Variants in GCN1 observed in about 807,000 individuals in gnomAD.
GCN1 encodes the protein GCN1 activator of EIF2AK4, also known as stalled ribosome sensor GCN1.
In GCN1, 90 loss-of-function variants were observed where a neutral mutation model predicts 288.4. The observed-to-expected ratio is 0.31, with a 90% CI of 0.26 to 0.37. GCN1 has a LOEUF of 0.37. Ranked by LOEUF, GCN1 falls within the 10% of genes least tolerant of loss-of-function variation. The pLI is 1.00. For synonymous variants in GCN1, 1,386 were observed against 1,420.2 expected (o/e 0.98, Z 0.54); for missense variants, 2,586 against 3,419.9 (o/e 0.76, Z 6.08).
chr12:120,191,871 G>T (rs1479527360), intron 1 of GCN1, among the ~76,000 whole-genome samples: 2 of 152,118 alleles, frequency 1.3e-5, no homozygotes, highest in Non-Finnish European at 2.9e-5. Context: ...AAATATGGAG[G>T]TAACTTGCAT....
chr12:120,157,833 G>A lies in GCN1; in HGVS notation c.3087+16C>T. ...TCCCCTTTAAACCAAGAGGAGAGCA[G>A]AGCTTCCCTGCCAACCTCGTCCACC... On this transcript the variant is annotated intron_variant, in intron 26 of 57. Coordinates refer to ENST00000300648, the MANE Select transcript of GCN1 (RefSeq NM_006836.2). 1.2e-6 allele frequency: 2 copies of A among 1,609,828 alleles called. No individual in the cohort carries two copies. Among genetic ancestry groups the A allele is most frequent in the Middle Eastern group, 1.7e-4 (1 of 6,000 alleles).
In GCN1 at chr12:120,194,714, C is replaced by A; in HGVS notation, c.-17G>T. ...CGCCGCCATCCTGCCGGGGCTGACTCCGGAACCGCTTCCGGAACGCTTCCG... is the reference window on the plus strand; with the variant it reads ...CGCCGCCATCCTGCCGGGGCTGACTACGGAACCGCTTCCGGAACGCTTCCG... On this transcript the variant is annotated 5_prime_UTR_variant, in exon 1 of 58. Coordinates refer to ENST00000300648, the MANE Select transcript of GCN1 (RefSeq NM_006836.2). 1 of 1,499,470 alleles carries A rather than the reference C, an allele frequency of 6.7e-7. No individual in the cohort carries two copies. Among genetic ancestry groups the A allele is most frequent in the Non-Finnish European group, 8.8e-7 (1 of 1,131,540 alleles). 92.9% of individuals were successfully genotyped at this position (1,499,470 alleles called of 1,614,324 possible).
chr12:120,166,083 C>T (rs1023870257), intron 16 of GCN1, among the ~76,000 whole-genome samples: 5 of 151,564 alleles, frequency 3.3e-5, no homozygotes, highest in African/African-American at 7.3e-5. Context: ...CCACCGTGTC[C>T]GGCCCCAGCC....
At chr12:120,161,804 C>T (rs139174492) in intron 21 of GCN1, 76 bp downstream of exon 21, 51 of 1,385,986 alleles carry the variant, frequency 3.7e-5, no homozygotes, top group Non-Finnish European at 4.7e-5. Context: ...TCACAGGAGG[C>T]ACTGGCTCCA....
rs779055882 is a variant in GCN1 at position 120,168,196 on chromosome 12, G to T, written c.1612+12C>A. 3 of 1,429,524 alleles carry T rather than the reference G, an allele frequency of 2.1e-6. No homozygotes were observed. Among genetic ancestry groups the T allele is most frequent in the African/African-American group, 2.8e-5 (2 of 71,398 alleles). 88.6% of individuals were successfully genotyped at this position (1,429,524 alleles called of 1,614,324 possible). Reference sequence around the variant, plus strand: ...CTCAATCCCGAGTTCAACTAAGCATGGAGTAACTTACCATCCTCTGAAGCC... The same window carrying T: ...CTCAATCCCGAGTTCAACTAAGCATTGAGTAACTTACCATCCTCTGAAGCC... On this transcript the variant is annotated intron_variant, in intron 16 of 57. Transcript: ENST00000300648.
rs750457111 is a variant in GCN1, at chr12:120,145,306, C to T, written c.4972G>A (p.Val1658Met). The T allele has an allele frequency of 8.1e-6, 13 of 1,599,258 alleles. No individual in the cohort carries two copies. The highest frequency in any genetic ancestry group is 2.7e-5 in the African/African-American group (2 of 74,254). ...QKDLAPYLPS[V>M]TPGLKASLLD... is the part of the protein sequence containing the mutation. The stretch of plus-strand genomic sequence containing the variant: ...AGCGATGCTTTCAGGCCAGGCGTCA[C>T]GCTGGGCAGGTACGGAGCCAAGTCC... The change falls in exon 39 of 58, where the codon GTG (valine) becomes ATG (methionine). Residue 1658 changes from valine to methionine, a missense_variant. Physicochemically the swap from Val to Met is conservative, Grantham distance 21 (BLOSUM62 1). Transcript: ENST00000300648.
chr12:120,130,673 C>G lies in GCN1; in HGVS notation c.7644G>C (p.Pro2548=). ...TAACGAACAGGCTGGAAAGTTTGGC[C>G]GGCAACTGCCCTCCGCCTGTCTCGA... The part of the protein sequence containing the change: ...HHIETGGGQL[P]AKLSSLFVKC... Residue 2548 remains proline (P), a synonymous_variant, in exon 56 of 58, where the codon CCG becomes CCC. Transcript: ENST00000300648. 1 of 1,613,726 alleles carries G rather than the reference C, an allele frequency of 6.2e-7. No individual in the cohort carries two copies. Among genetic ancestry groups the G allele is most frequent in the Non-Finnish European group, 8.5e-7 (1 of 1,179,734 alleles).
chr12:120,143,005 C>T (rs1877248004), intron 42 of GCN1, 64 bp from the exon 43 acceptor site: 3 of 943,464 alleles, frequency 3.2e-6, no homozygotes, highest in Non-Finnish European at 5.2e-6. Context: ...CAACTGAGCA[C>T]TGCACAGAAG....
At chr12:120,187,358 T>C (rs941887717) in intron 2 of GCN1, among the ~76,000 whole-genome samples, 2 of 151,790 alleles carry the variant, frequency 1.3e-5, no homozygotes, top group African/African-American at 4.8e-5. Context: ...GGATTACAGG[T>C]GCCCACCACC....
At chr12:120,175,604 TCACATTC>T (rs1245733063) in intron 11 of GCN1, 135 bp downstream of exon 11, 4 of 849,554 alleles carry the variant, frequency 4.7e-6, no homozygotes, top group Non-Finnish European at 7.4e-6. Flanking sequence ...TCACACACAT[TCACATTC>T]CAGTGTGACG....
At position 120,137,621 on chromosome 12, in the gene GCN1, C is replaced by T; in HGVS notation, c.6587G>A (p.Gly2196Asp). The T allele has an allele frequency of 1.2e-6, 2 of 1,614,124 alleles. No individual in the cohort carries two copies. The highest frequency in any genetic ancestry group is 1.7e-6 in the Non-Finnish European group (2 of 1,179,970). ...GGAGTCATTGAAGAGGCGGATCAGG[C>T]CCGAGACCAGGCTCCGCAGGTGGCT... ...YTSHLRSLVS[G>D]LIRLFNDSSP... Residue 2196 changes from glycine (G) to aspartate (D), a missense_variant, in exon 49 of 58, where the codon GGC becomes GAC. By Grantham distance (94) the Gly-to-Asp change is moderately conservative (BLOSUM62 -1). Transcript: ENST00000300648. This position sits in a 1 kb window ranked among gnomAD's most constrained non-coding sequence, Gnocchi z 5.2.
At chr12:120,173,892 G>C in intron 13 of GCN1, 66 bp from the exon 14 acceptor site, 4 of 1,419,940 alleles carry the variant, frequency 2.8e-6, no homozygotes, top group Non-Finnish European at 3.9e-6. Flanking sequence ...ATTGCAAGCA[G>C]TGCAAAAAAC....
At chr12:120,164,312 G>A (rs754536734) in intron 18 of GCN1, 24 bp downstream of exon 18, 1 of 1,600,986 alleles carries the variant, frequency 6.2e-7, no homozygotes, top group African/African-American at 1.3e-5. Flanking sequence ...AAGAGCCCCA[G>A]TTCTAGAGCC....
rs398055996 is a variant in GCN1 at position 120,143,588 on chromosome 12, G to GA, written c.5496-648dup. ...CAGAGCGAGACTCCGTCTCAAAAAG[G>GA]AAAAAAAAAAAAAAAAGACCACTGT... is the stretch of plus-strand genomic sequence containing the variant. On this transcript the variant is annotated intron_variant, in intron 42 of 57. Coordinates refer to ENST00000300648, the MANE Select transcript of GCN1 (RefSeq NM_006836.2). Among the ~76,000 whole-genome samples the GA allele has an allele frequency of 8.4e-3, 1,008 of 119,500 alleles. 6 individuals are homozygous for GA. Among genetic ancestry groups the GA allele is most frequent in the Middle Eastern group, 0.013 (3 of 240 alleles). 78.4% of individuals were successfully genotyped at this position (119,500 alleles called of 152,430 possible).
At position 120,155,554 on chromosome 12, in the gene GCN1, G is replaced by A; in HGVS notation, c.3440+38C>T. The A allele has an allele frequency of 1.9e-6, 3 of 1,612,708 alleles. No homozygotes were observed. The highest frequency in any genetic ancestry group is 2.5e-6 in the Non-Finnish European group (3 of 1,178,818). ...TTCAGTTATTTCCTAAAGGAAGAGAGGATGCAGCAGGAGAAAGCGACATGC... is the reference window on the plus strand; with the variant it reads ...TTCAGTTATTTCCTAAAGGAAGAGAAGATGCAGCAGGAGAAAGCGACATGC... On this transcript the variant is annotated intron_variant, in intron 29 of 57. Transcript: ENST00000300648. This position sits in a 1 kb window ranked among gnomAD's most constrained non-coding sequence, Gnocchi z 4.9.
chr12:120,186,072 G>C (rs1051268456), intron 2 of GCN1, among the ~76,000 whole-genome samples: 10 of 152,074 alleles, frequency 6.6e-5, no homozygotes, highest in Admixed American at 2.0e-4. Flanking sequence ...AGTGGCTCAC[G>C]CCTGTAATCC....
intron 8 of GCN1, 63 bp downstream of exon 8, chr12:120,177,621 C>T: frequency 2.6e-6 from 4 of 1,542,922 alleles, no homozygotes; most frequent in South Asian, 1.1e-5. Flanking sequence ...AAAAAGAGTT[C>T]AGCATCCCAG....
At chr12:120,157,544 C>T (rs1877788763) in intron 26 of GCN1, among the ~76,000 whole-genome samples, 1 of 152,210 alleles carries the variant, frequency 6.6e-6, no homozygotes, top group Admixed American at 6.5e-5. Context: ...AACTCATCAA[C>T]AGGTAAAGAG....
chr12:120,191,717 T>A (rs1879009935), intron 1 of GCN1, among the ~76,000 whole-genome samples: 1 of 152,190 alleles, frequency 6.6e-6, no homozygotes, highest in Admixed American at 6.5e-5. Flanking sequence ...GTTTTTATAG[T>A]CATAGATGCA....
Sources: allele counts gnomAD v4.1 joint callset (sites outside exome capture counted in the v4.1 genomes callset), GRCh38; gene constraint gnomAD v4.1.1; non-coding constraint Gnocchi (gnomAD v3.1); transcripts MANE v1.5; gene names NCBI Gene and HGNC (gene_info 2026-07-23, HGNC 2026-07-21).